The following FBXO22 variants were observed in gnomAD, a reference collection of about 807,000 sequenced individuals.
FBXO22 encodes F-box protein 22, also known as F-box only protein 22.
Under a neutral mutation model 37.2 loss-of-function variants are expected in FBXO22, and 13 were observed. The observed-to-expected ratio is 0.35, with a 90% CI of 0.23 to 0.56. The LOEUF is 0.56. FBXO22 is among the 20% of genes least tolerant of loss of function. FBXO22 has a pLI of 0.87. For missense variants in FBXO22, 446 were observed against 509.9 expected, an observed-to-expected ratio of 0.87 and a Z score of 1.21; for synonymous variants, 189 against 189.1, an observed-to-expected ratio of 1.00 and a Z score of 0.00.
At chr15:75,916,292 A>T (rs1900186721) in intron 4 of FBXO22, among the ~76,000 whole-genome samples, 1 of 152,100 alleles carries the variant, frequency 6.6e-6, no homozygotes, top group African/African-American at 2.4e-5. Flanking sequence ...ACCATAACAA[A>T]ATACCACAGA....
At position 75,904,581 on chromosome 15, in the gene FBXO22, C is replaced by T; in HGVS notation, c.231C>T (p.Gly77=). 1.2e-6 allele frequency: 2 copies of T among 1,613,408 alleles called. No homozygotes were observed. Among genetic ancestry groups the T allele is most frequent in the Non-Finnish European group, 1.7e-6 (2 of 1,179,534 alleles). ...TCTCCGCAGGCCTGGCGGAGGCCGG[C>T]CACCTGGAGGGGCATTGCTTGGTTC... is the stretch of plus-strand genomic sequence containing the variant. The part of the protein sequence containing the change: ...TWISAGLAEA[G]HLEGHCLVRV... The change falls in exon 2 of 7, where the codon GGC becomes GGT. Residue 77 remains glycine (G), a synonymous_variant. Transcript: ENST00000308275.
rs542974228 is a variant in FBXO22 at position 75,928,037 on chromosome 15, C to T, written c.629-1847C>T. Among the ~76,000 whole-genome samples, 33 of 152,196 alleles carry T rather than the reference C, an allele frequency of 2.2e-4. No homozygotes were observed. The South Asian group carries it at 6.4e-3, about 30-fold the overall frequency. The stretch of plus-strand genomic sequence containing the variant: ...CACTGATCATTAGAGAAATGCAAAT[C>T]AAAACCACAATGAGATCGTATCCCA... On this transcript the variant is annotated intron_variant, in intron 5 of 6. Transcript: ENST00000308275.
chr15:75,914,017 T>G, intron 3 of FBXO22, 93 bp from the exon 4 acceptor site: 1 of 856,596 alleles, frequency 1.2e-6, no homozygotes, highest in Non-Finnish European at 1.9e-6. Context: ...TTAAATGACT[T>G]AAATATTTCC....
At chr15:75,928,904 T>C (rs1270932359) in intron 5 of FBXO22, among the ~76,000 whole-genome samples, 2 of 152,208 alleles carry the variant, frequency 1.3e-5, no homozygotes, top group Non-Finnish European at 2.9e-5. Context: ...TGCAAGGAAC[T>C]TTCAAAGGCT....
intron 2 of FBXO22, among the ~76,000 whole-genome samples, chr15:75,910,948 T>G (rs1205741683): frequency 6.6e-6 from 1 of 152,226 alleles, no homozygotes; most frequent in Admixed American, 6.5e-5. Flanking sequence ...GTATAAGGTG[T>G]AAGGAAGGGG....
Position 75,904,072 on chromosome 15 carries a change from C to T in FBXO22, c.109C>T (p.Leu37=). 6.4e-7 allele frequency: 1 copy of T among 1,550,800 alleles called. No individual in the cohort carries two copies. The highest frequency in any genetic ancestry group is 2.4e-5 in the East Asian group (1 of 41,372). Residue 37 remains leucine, a synonymous_variant, in exon 1 of 7, where the codon CTG becomes TTG. Transcript: ENST00000308275. ...AEVVERVLTF[L]PAKALLRVAC... ...GGTGGTGGAGCGTGTGCTCACCTTC[C>T]TGCCCGCCAAGGCGTTGCTGCGGGT...
In FBXO22 at chr15:75,937,508, CAA is replaced by C. The variant is rs58256641; in HGVS notation, c.*4429_*4430del. 1.1e-4 allele frequency: 9 copies of C among 83,226 alleles called. No homozygotes were observed. Among genetic ancestry groups the C allele is most frequent in the African/African-American group, 2.1e-4 (5 of 23,696 alleles). 5.2% of individuals were successfully genotyped at this position (83,226 alleles called of 1,614,324 possible). ...TGGGCAATGGAGCAAGACTCTGTCTCAAAAAAAAAAAAAAAAAAAAAAAAGCA... is the reference window on the plus strand; with the variant it reads ...TGGGCAATGGAGCAAGACTCTGTCTCAAAAAAAAAAAAAAAAAAAAAAGCA... On this transcript the variant is annotated 3_prime_UTR_variant, in exon 7 of 7. Coordinates refer to ENST00000308275, the MANE Select transcript of FBXO22 (RefSeq NM_147188.3).
chr15:75,918,785 T>TA (rs1900249041), intron 5 of FBXO22, among the ~76,000 whole-genome samples: 2 of 152,156 alleles, frequency 1.3e-5, no homozygotes, highest in African/African-American at 2.4e-5. Context: ...GTGTGGAATC[T>TA]AAAAATGTTG....
Position 75,936,387 on chromosome 15 carries a change from A to G in FBXO22, c.*3285A>G, listed in dbSNP as rs796824395. ...GTGAATACGATATAAAGAATGTGAT[A>G]CCAGAAAGTTACTTTAATATTGACC... On this transcript the variant is annotated 3_prime_UTR_variant, in exon 7 of 7. Transcript: ENST00000308275. 8 of 152,350 alleles carry G rather than the reference A, an allele frequency of 5.3e-5. No homozygotes were observed. The highest frequency in any genetic ancestry group is 1.9e-4 in the African/African-American group (8 of 41,588). The allele number at this position is 152,350 out of a possible 1,614,324, so 9.4% of individuals were successfully genotyped here. A position where few individuals can be genotyped will look rare whatever the true frequency, so the allele number is the denominator to read the frequency against.
At chr15:75,929,859 A>G in intron 5 of FBXO22, 25 bp from the exon 6 acceptor site, 1 of 1,613,366 alleles carries the variant, frequency 6.2e-7, no homozygotes, top group Admixed American at 1.7e-5. Flanking sequence ...GCTGTCTTTA[A>G]CTGTTGCTCT....
chr15:75,935,711 T>C lies in FBXO22; in HGVS notation c.*2609T>C, dbSNP rs965941638. 8 of 151,734 alleles carry C rather than the reference T, an allele frequency of 5.3e-5. No homozygotes were observed. The highest frequency in any genetic ancestry group is 1.9e-4 in the African/African-American group (8 of 41,346). 9.4% of individuals were successfully genotyped at this position (151,734 alleles called of 1,614,324 possible). A position where few individuals can be genotyped will look rare whatever the true frequency, so the allele number is the denominator to read the frequency against. ...CTACGAGGCCAGATAGCAAAAGACGTGCAACTGGTTTATATTGCAAATTTA... is the reference window on the plus strand; with the variant it reads ...CTACGAGGCCAGATAGCAAAAGACGCGCAACTGGTTTATATTGCAAATTTA... On this transcript the variant is annotated 3_prime_UTR_variant, in exon 7 of 7. Coordinates refer to ENST00000308275, the MANE Select transcript of FBXO22 (RefSeq NM_147188.3).
intron 5 of FBXO22, among the ~76,000 whole-genome samples, chr15:75,926,881 G>A (rs1900455686): frequency 6.6e-6 from 1 of 152,216 alleles, no homozygotes; most frequent in Non-Finnish European, 1.5e-5. Flanking sequence ...GTAGGTGGGT[G>A]AATTACTGAT....
At chr15:75,922,624 C>T (rs1900351787) in intron 5 of FBXO22, among the ~76,000 whole-genome samples, 1 of 152,198 alleles carries the variant, frequency 6.6e-6, no homozygotes, top group Admixed American at 6.5e-5. Flanking sequence ...GGGGCGCATT[C>T]AGGCCAGGCT....
intron 5 of FBXO22, among the ~76,000 whole-genome samples, chr15:75,920,875 T>G (rs1900306057): frequency 6.6e-6 from 1 of 152,162 alleles, no homozygotes; most frequent in Non-Finnish European, 1.5e-5. Context: ...GTGACATAAC[T>G]GGATGTAGAT....
At chr15:75,910,097 C>T (rs1900021236) in intron 2 of FBXO22, among the ~76,000 whole-genome samples, 1 of 152,164 alleles carries the variant, frequency 6.6e-6, no homozygotes, top group Admixed American at 6.5e-5. Flanking sequence ...GACATGAGTG[C>T]ATCCTTTTTC....
In FBXO22 at chr15:75,932,544, C is replaced by T; in HGVS notation, c.795-141C>T. 4 of 710,328 alleles carry T rather than the reference C, an allele frequency of 5.6e-6. No homozygotes were observed. The South Asian group carries it at 8.7e-5, about 15-fold the overall frequency. The allele number at this position is 710,328 out of a possible 1,614,324, so 44.0% of individuals were successfully genotyped here. Reference sequence around the variant, plus strand: ...AATTTTGATTTTTGACCCTATTTTACTCACCTATGAGGGTGAGCCTCAGAT... The same window carrying T: ...AATTTTGATTTTTGACCCTATTTTATTCACCTATGAGGGTGAGCCTCAGAT... On this transcript the variant is annotated intron_variant, in intron 6 of 6. Transcript: ENST00000308275.
rs2030149902 is a variant in FBXO22, at chr15:75,933,692, T to C, written c.*590T>C. ...GACAAGACTAATCAGTATTTTATTA[T>C]AAGTAAAAGATTTTTCTTCTTTCCT... On this transcript the variant is annotated 3_prime_UTR_variant, in exon 7 of 7. Coordinates refer to ENST00000308275, the MANE Select transcript of FBXO22 (RefSeq NM_147188.3). 1 of 276,560 alleles carries C rather than the reference T, an allele frequency of 3.6e-6. No homozygotes were observed. Among genetic ancestry groups the C allele is most frequent in the Non-Finnish European group, 7.0e-6 (1 of 142,264 alleles). 17.1% of individuals were successfully genotyped at this position (276,560 alleles called of 1,614,324 possible). A position where few individuals can be genotyped will look rare whatever the true frequency, so the allele number is the denominator to read the frequency against.
intron 5 of FBXO22, among the ~76,000 whole-genome samples, chr15:75,918,574 G>A (rs1047805699): frequency 6.6e-6 from 1 of 152,156 alleles, no homozygotes; most frequent in Non-Finnish European, 1.5e-5. Flanking sequence ...TTGCAGCACT[G>A]TTCACAATAG....
Position 75,933,164 on chromosome 15 carries a change from CTT to C in FBXO22, c.*63_*64del. On this transcript the variant is annotated 3_prime_UTR_variant, in exon 7 of 7. Coordinates refer to ENST00000308275, the MANE Select transcript of FBXO22 (RefSeq NM_147188.3). ...TTCTGCCTTTTTCAGAAAATGGAAA[CTT>C]GGGCCATGTGTATTTCAAACAAAAA... 7.2e-7 allele frequency: 1 copy of C among 1,398,478 alleles called. No homozygotes were observed. The highest frequency in any genetic ancestry group is 1.4e-5 in the African/African-American group (1 of 69,298). The allele number at this position is 1,398,478 out of a possible 1,614,324, so 86.6% of individuals were successfully genotyped here. A position where few individuals can be genotyped will look rare whatever the true frequency, so the allele number is the denominator to read the frequency against.
Sources: gnomAD v4.1 joint callset for allele counts (sites outside exome capture counted in the v4.1 genomes callset) on GRCh38, gnomAD v4.1.1 for gene constraint, MANE v1.5 for transcripts, NCBI Gene and HGNC (gene_info 2026-07-23, HGNC 2026-07-21) for gene names.